The following VPS33B variants were observed in gnomAD, a reference collection of about 807,000 sequenced individuals.
The protein encoded by VPS33B is vacuolar protein sorting-associated protein 33B.
Under a neutral mutation model 95.3 loss-of-function variants are expected in VPS33B, and 80 were observed. The ratio of observed to expected loss-of-function variants is 0.84; its 90% confidence interval spans 0.70 to 1.01. VPS33B has a LOEUF of 1.01. VPS33B is among the 50% of genes least tolerant of loss of function. The pLI is 0.00. For missense variants in VPS33B, 715 were observed against 773.4 expected (o/e 0.92, Z 0.90); for synonymous variants, 280 against 280.4 (o/e 1.00, Z 0.01).
Position 91,007,985 on chromosome 15 carries a change from A to T in VPS33B, c.404-21T>A, listed in dbSNP as rs2040663978. 1 of 1,612,422 alleles carries T rather than the reference A, an allele frequency of 6.2e-7. No individual in the cohort carries two copies. Among genetic ancestry groups the T allele is most frequent in the South Asian group, 1.1e-5 (1 of 91,054 alleles). On this transcript the variant is annotated intron_variant, in intron 6 of 22. Coordinates refer to ENST00000333371, the MANE Select transcript of VPS33B (RefSeq NM_018668.5). The surrounding 1 kb of genome is among the most constrained non-coding windows in gnomAD (Gnocchi z 5.3). ...CACATCTGTGGGGACAGAGAGCATCAGCCTCCCTGCAGAAGGTACTTAGCT... is the reference window on the plus strand; with the variant it reads ...CACATCTGTGGGGACAGAGAGCATCTGCCTCCCTGCAGAAGGTACTTAGCT...
At position 91,006,128 on chromosome 15, in the gene VPS33B, C is replaced by T; in HGVS notation, c.853-69G>A. The T allele has an allele frequency of 6.4e-7, 1 of 1,555,004 alleles. No homozygotes were observed. The highest frequency in any genetic ancestry group is 1.1e-5 in the South Asian group (1 of 88,740). On this transcript the variant is annotated intron_variant, in intron 11 of 22. Coordinates refer to ENST00000333371, the MANE Select transcript of VPS33B (RefSeq NM_018668.5). This position sits in a 1 kb window ranked among gnomAD's most constrained non-coding sequence, Gnocchi z 5.4. ...ATAACTTAGCAGTAGAATGACAGTA[C>T]AGGAAGGGTACTCAGGTGTTCTGGC...
Position 91,007,005 on chromosome 15 carries a change from A to ATCC in VPS33B, c.642_644dup (p.Glu214dup). ...CTGGCCTTCGGCCCTTGGTTTCGCC[A>ATCC]TCCTCCTCCTCCTCCAGGTTCCTCC... On this transcript the variant is annotated inframe_insertion, in exon 9 of 23. Coordinates refer to ENST00000333371, the MANE Select transcript of VPS33B (RefSeq NM_018668.5). This position sits in a 1 kb window ranked among gnomAD's most constrained non-coding sequence, Gnocchi z 5.3. The ATCC allele has an allele frequency of 2.5e-6, 4 of 1,613,738 alleles. No homozygotes were observed. The highest frequency in any genetic ancestry group is 1.3e-5 in the African/African-American group (1 of 75,006).
chr15:91,005,860 ATC>A lies in VPS33B; in HGVS notation c.940-78_940-77del. On this transcript the variant is annotated intron_variant, in intron 12 of 22. Coordinates refer to ENST00000333371, the MANE Select transcript of VPS33B (RefSeq NM_018668.5). This position sits in a 1 kb window ranked among gnomAD's most constrained non-coding sequence, Gnocchi z 6.4. ...CACCACCCTCCCTCAGTTGCCATCC[ATC>A]CATGAGAAAGGACAGGGAACCTGTC... The A allele has an allele frequency of 6.2e-7, 1 of 1,608,490 alleles. No homozygotes were observed. Among genetic ancestry groups the A allele is most frequent in the East Asian group, 2.2e-5 (1 of 44,848 alleles).
chr15:91,009,992 G>A lies in VPS33B; in HGVS notation c.358-146C>T. The stretch of plus-strand genomic sequence containing the variant: ...AACCCAGACTCTTAAGATCTAGAAA[G>A]AACCATTAGAATCATTCAGCCCAGC... On this transcript the variant is annotated intron_variant, in intron 5 of 22. Coordinates refer to ENST00000333371, the MANE Select transcript of VPS33B (RefSeq NM_018668.5). The surrounding 1 kb of genome is among the most constrained non-coding windows in gnomAD (Gnocchi z 4.1). 3 of 859,282 alleles carry A rather than the reference G, an allele frequency of 3.5e-6. No homozygotes were observed. The highest frequency in any genetic ancestry group is 5.8e-6 in the Non-Finnish European group (3 of 520,450). The allele number at this position is 859,282 out of a possible 1,614,324, so 53.2% of individuals were successfully genotyped here. A position where few individuals can be genotyped will look rare whatever the true frequency, so the allele number is the denominator to read the frequency against.
At chr15:91,017,419 TA>T (rs2040972885) in intron 2 of VPS33B, among the ~76,000 whole-genome samples, 1 of 101,048 alleles carries the variant, frequency 9.9e-6, no homozygotes, top group Non-Finnish European at 2.0e-5. Flanking sequence ...TATATATATA[TA>T]TATTCTGTAG....
chr15:91,002,289 G>T lies in VPS33B; in HGVS notation c.1273-107C>A, dbSNP rs1425995568. 1 of 1,482,440 alleles carries T rather than the reference G, an allele frequency of 6.7e-7. No individual in the cohort carries two copies. Among genetic ancestry groups the T allele is most frequent in the Non-Finnish European group, 9.2e-7 (1 of 1,081,566 alleles). 91.8% of individuals were successfully genotyped at this position (1,482,440 alleles called of 1,614,324 possible). A position where few individuals can be genotyped will look rare whatever the true frequency, so the allele number is the denominator to read the frequency against. On this transcript the variant is annotated intron_variant, in intron 17 of 22. Coordinates refer to ENST00000333371, the MANE Select transcript of VPS33B (RefSeq NM_018668.5). The surrounding 1 kb of genome is among the most constrained non-coding windows in gnomAD (Gnocchi z 4.7). ...GACTATGAAGCCTCTGCTGCAGTGT[G>T]AAGGAGCTCACACTTTGTTGAGATA...
At chr15:91,021,533 A>G (rs145542334) in intron 1 of VPS33B, among the ~76,000 whole-genome samples, 74 of 152,242 alleles carry the variant, frequency 4.9e-4, no homozygotes, top group African/African-American at 1.8e-3. Context: ...ACACATCACT[A>G]TTAGAATCAT....
rs564384233 is a variant in VPS33B at position 91,018,189 on chromosome 15, C to T, written c.97-304G>A. On this transcript the variant is annotated intron_variant, in intron 1 of 22. Coordinates refer to ENST00000333371, the MANE Select transcript of VPS33B (RefSeq NM_018668.5). This position sits in a 1 kb window ranked among gnomAD's most constrained non-coding sequence, Gnocchi z 4.7. ...CCTTGGTCTGCACCTCACTCCCCTT[C>T]TCTGCTGCCTCCTCCACTCTGGCTC... is the stretch of plus-strand genomic sequence containing the variant. Among the ~76,000 whole-genome samples, 4 of 152,332 alleles carry T rather than the reference C, an allele frequency of 2.6e-5. No homozygotes were observed. The highest frequency in any genetic ancestry group is 9.6e-5 in the African/African-American group (4 of 41,580).
At position 91,005,967 on chromosome 15, in the gene VPS33B, C is replaced by CCTCA; in HGVS notation, c.939+2_939+5dup. Reference sequence around the variant, plus strand: ...CAAAACAGAGGAGCAGGGCTTGGAGCCTCACATCATACTGGGCCTGCAAGT... The same window carrying CCTCA: ...CAAAACAGAGGAGCAGGGCTTGGAGCCTCACTCACATCATACTGGGCCTGCAAGT... On this transcript the variant is annotated splice_donor_region_variant and intron_variant, in intron 12 of 22. Coordinates refer to ENST00000333371, the MANE Select transcript of VPS33B (RefSeq NM_018668.5). This position sits in a 1 kb window ranked among gnomAD's most constrained non-coding sequence, Gnocchi z 6.4. The CCTCA allele has an allele frequency of 1.2e-6, 2 of 1,614,034 alleles. No homozygotes were observed. Among genetic ancestry groups the CCTCA allele is most frequent in the Non-Finnish European group, 1.7e-6 (2 of 1,179,988 alleles).
chr15:91,013,674 A>G lies in VPS33B; in HGVS notation c.357+130T>C, dbSNP rs2040842004. The G allele has an allele frequency of 1.1e-6, 1 of 927,938 alleles. No homozygotes were observed. The highest frequency in any genetic ancestry group is 1.3e-5 in the South Asian group (1 of 77,038). The allele number at this position is 927,938 out of a possible 1,614,324, so 57.5% of individuals were successfully genotyped here. On this transcript the variant is annotated intron_variant, in intron 5 of 22. Transcript: ENST00000333371. The surrounding 1 kb of genome is among the most constrained non-coding windows in gnomAD (Gnocchi z 4.5). The stretch of plus-strand genomic sequence containing the variant: ...AATTTCTGTTCATTATAAATTACCT[A>G]GTCTCAGGTATTCTGTTACAGCAAC...
rs189307848 is a variant in VPS33B at position 91,022,329 on chromosome 15, G to A, written c.-80C>T. 37 of 1,424,794 alleles carry A rather than the reference G, an allele frequency of 2.6e-5. No individual in the cohort carries two copies. In the East Asian group the frequency reaches 4.8e-4, roughly 18 times the overall value. The allele number at this position is 1,424,794 out of a possible 1,614,324, so 88.3% of individuals were successfully genotyped here. A position where few individuals can be genotyped will look rare whatever the true frequency, so the allele number is the denominator to read the frequency against. On this transcript the variant is annotated 5_prime_UTR_variant, in exon 1 of 23. Transcript: ENST00000333371. ...CGGCCGCAGCCCAGGGAAGCGCAAGGGGGGCTATCCTTCAGGCCTGGGCAC... is the reference window on the plus strand; with the variant it reads ...CGGCCGCAGCCCAGGGAAGCGCAAGAGGGGCTATCCTTCAGGCCTGGGCAC...
rs184948852 is a variant in VPS33B at position 91,010,254 on chromosome 15, T to C, written c.358-408A>G. Among the ~76,000 whole-genome samples, 201 of 152,292 alleles carry C rather than the reference T, an allele frequency of 1.3e-3. No individual in the cohort carries two copies. The highest frequency in any genetic ancestry group is 4.5e-3 in the African/African-American group (185 of 41,556). ...CTGTTTAGGACATGCCCACGGGACC[T>C]TGGGAGACACAGACAAGGACTTGGG... is the stretch of plus-strand genomic sequence containing the variant. On this transcript the variant is annotated intron_variant, in intron 5 of 22. Transcript: ENST00000333371. This position sits in a 1 kb window ranked among gnomAD's most constrained non-coding sequence, Gnocchi z 5.7.
chr15:91,007,341 T>C lies in VPS33B; in HGVS notation c.603+128A>G, dbSNP rs1204954316. 7.2e-6 allele frequency: 7 copies of C among 974,230 alleles called. No individual in the cohort carries two copies. Among genetic ancestry groups the C allele is most frequent in the East Asian group, 2.4e-5 (1 of 41,144 alleles). 60.3% of individuals were successfully genotyped at this position (974,230 alleles called of 1,614,324 possible). On this transcript the variant is annotated intron_variant, in intron 8 of 22. Coordinates refer to ENST00000333371, the MANE Select transcript of VPS33B (RefSeq NM_018668.5). This position sits in a 1 kb window ranked among gnomAD's most constrained non-coding sequence, Gnocchi z 5.3. ...ACACAAGTTCTCCTCTCTGAGGATC[T>C]ATTCCAGAACAATGAAAGCAAAGTA...
In VPS33B at chr15:91,006,519, G is replaced by A; in HGVS notation, c.779-74C>T. On this transcript the variant is annotated intron_variant, in intron 10 of 22. Transcript: ENST00000333371. This position sits in a 1 kb window ranked among gnomAD's most constrained non-coding sequence, Gnocchi z 5.4. ...CTACCATTCCCTGAACTGCCATAAA[G>A]GTCCTCAAACTATTTGGAAGCCAGC... 2 of 1,610,694 alleles carry A rather than the reference G, an allele frequency of 1.2e-6. No homozygotes were observed. The highest frequency in any genetic ancestry group is 1.7e-5 in the Admixed American group (1 of 60,006).
chr15:91,000,915 G>A lies in VPS33B; in HGVS notation c.1480-324C>T, dbSNP rs989739132. 2.0e-5 allele frequency: 8 copies of A among 398,880 alleles called. No homozygotes were observed. Among genetic ancestry groups the A allele is most frequent in the Non-Finnish European group, 3.3e-5 (7 of 211,388 alleles). 24.7% of individuals were successfully genotyped at this position (398,880 alleles called of 1,614,324 possible). A position where few individuals can be genotyped will look rare whatever the true frequency, so the allele number is the denominator to read the frequency against. ...AGAATATTCTCTGGCATTGGCAGGT[G>A]CTTGTTACATGTTGATTAAATGAAT... On this transcript the variant is annotated intron_variant, in intron 19 of 22. Coordinates refer to ENST00000333371, the MANE Select transcript of VPS33B (RefSeq NM_018668.5). The surrounding 1 kb of genome is among the most constrained non-coding windows in gnomAD (Gnocchi z 4.9).
chr15:91,009,463 C>T lies in VPS33B; in HGVS notation c.403+338G>A, dbSNP rs1416844630. On this transcript the variant is annotated intron_variant, in intron 6 of 22. Coordinates refer to ENST00000333371, the MANE Select transcript of VPS33B (RefSeq NM_018668.5). This position sits in a 1 kb window ranked among gnomAD's most constrained non-coding sequence, Gnocchi z 4.1. ...CTGGGATTACAAGCGTGCGCCATCA[C>T]GCCCAGCTAATTATTGTATTTTTAG... 6.6e-5 allele frequency among the ~76,000 whole-genome samples: 10 copies of T among 151,956 alleles called. No individual in the cohort carries two copies. Among genetic ancestry groups the T allele is most frequent in the Non-Finnish European group, 2.9e-5 (2 of 67,988 alleles).
In VPS33B at chr15:91,009,359, T is replaced by C. The variant is rs2040712411; in HGVS notation, c.403+442A>G. Among the ~76,000 whole-genome samples the C allele has an allele frequency of 6.6e-6, 1 of 151,882 alleles. No individual in the cohort carries two copies. The highest frequency in any genetic ancestry group is 2.1e-4 in the South Asian group (1 of 4,802). ...CTCACTCTTGTTGCCCAGGCTGGAGTGCAATGGCGTGATCTCGGCTCACTG... is the reference window on the plus strand; with the variant it reads ...CTCACTCTTGTTGCCCAGGCTGGAGCGCAATGGCGTGATCTCGGCTCACTG... On this transcript the variant is annotated intron_variant, in intron 6 of 22. Transcript: ENST00000333371. This position sits in a 1 kb window ranked among gnomAD's most constrained non-coding sequence, Gnocchi z 4.1.
rs1334702147 is a variant in VPS33B, at chr15:91,013,365, G to A, written c.357+439C>T. On this transcript the variant is annotated intron_variant, in intron 5 of 22. Coordinates refer to ENST00000333371, the MANE Select transcript of VPS33B (RefSeq NM_018668.5). This position sits in a 1 kb window ranked among gnomAD's most constrained non-coding sequence, Gnocchi z 4.5. ...TTTGAGGGAGTGCTATGGTTTGAATGTGTCTCCCAAAAGTTCATCTGTTGG... is the reference window on the plus strand; with the variant it reads ...TTTGAGGGAGTGCTATGGTTTGAATATGTCTCCCAAAAGTTCATCTGTTGG... Among the ~76,000 whole-genome samples, 1 of 152,212 alleles carries A rather than the reference G, an allele frequency of 6.6e-6. No individual in the cohort carries two copies. The highest frequency in any genetic ancestry group is 1.9e-4 in the East Asian group (1 of 5,198).
rs376292346 is a variant in VPS33B, at chr15:91,005,672, C to T, written c.1030+22G>A. On this transcript the variant is annotated intron_variant, in intron 13 of 22. Coordinates refer to ENST00000333371, the MANE Select transcript of VPS33B (RefSeq NM_018668.5). The surrounding 1 kb of genome is among the most constrained non-coding windows in gnomAD (Gnocchi z 6.4). ...AGAGGGACACAGTCACTTCCCCTCA[C>T]GCCCCTCAAGCTGAAACCTACGGAG... The T allele has an allele frequency of 5.6e-5, 90 of 1,613,612 alleles. No individual in the cohort carries two copies. The highest frequency in any genetic ancestry group is 6.6e-5 in the Non-Finnish European group (78 of 1,179,670).
Sources: allele counts gnomAD v4.1 joint callset (sites outside exome capture counted in the v4.1 genomes callset), GRCh38; gene constraint gnomAD v4.1.1; non-coding constraint Gnocchi (gnomAD v3.1); transcripts MANE v1.5; gene names NCBI Gene and HGNC (gene_info 2026-07-23, HGNC 2026-07-21).